SBNO2: variants seen among roughly 807,000 people sequenced by gnomAD.
The protein encoded by SBNO2 is protein strawberry notch homolog 2.
Under a neutral mutation model 146.3 loss-of-function variants are expected in SBNO2, and 89 were observed. The observed-to-expected ratio is 0.61, with a 90% CI of 0.51 to 0.73. SBNO2 has a LOEUF of 0.73. Ranked by LOEUF, SBNO2 falls within the 30% of genes least tolerant of loss-of-function variation. The pLI is 0.00. For synonymous variants in SBNO2, 1,147 were observed against 892.6 expected (o/e 1.29, Z -5.08); for missense variants, 2,092 against 2,003.7 (o/e 1.04, Z -0.84).
chr19:1,140,326 A>T lies in SBNO2; in HGVS notation c.279+6983T>A, dbSNP rs905837669. Among the ~76,000 whole-genome samples the T allele has an allele frequency of 6.6e-6, 1 of 151,464 alleles. No individual in the cohort carries two copies. Among genetic ancestry groups the T allele is most frequent in the Non-Finnish European group, 1.5e-5 (1 of 67,864 alleles). ...AAAAAAAAAAAAAAGCAGCAGCAACACAGAGCCACGTGTCCACAGAACCAC... is the reference window on the plus strand; with the variant it reads ...AAAAAAAAAAAAAAGCAGCAGCAACTCAGAGCCACGTGTCCACAGAACCAC... On this transcript the variant is annotated intron_variant, in intron 4 of 31. Coordinates refer to ENST00000361757, the MANE Select transcript of SBNO2 (RefSeq NM_014963.3). This position sits in a 1 kb window ranked among gnomAD's most constrained non-coding sequence, Gnocchi z 4.4.
chr19:1,131,258 C>G (rs1427067236), intron 4 of SBNO2, among the ~76,000 whole-genome samples: 1 of 152,200 alleles, frequency 6.6e-6, no homozygotes, highest in East Asian at 1.9e-4. Flanking sequence ...AACCGGGCCC[C>G]TCTGCAGTCT....
chr19:1,117,149 G>C (rs181839881), intron 15 of SBNO2, among the ~76,000 whole-genome samples, 174 bp downstream of exon 15: 23 of 152,324 alleles, frequency 1.5e-4, no homozygotes, highest in African/African-American at 5.3e-4. Flanking sequence ...ACACTCCGCT[G>C]TTCTGACACC....
Position 1,140,825 on chromosome 19 carries a change from T to C in SBNO2, c.279+6484A>G, listed in dbSNP as rs954210099. Among the ~76,000 whole-genome samples the C allele has an allele frequency of 2.0e-5, 3 of 151,876 alleles. No individual in the cohort carries two copies. The highest frequency in any genetic ancestry group is 7.3e-5 in the African/African-American group (3 of 41,324). ...CAGGCTGAGAGAAACAGGAAATGGA[T>C]GGTGAAGGAACCCCGTCCCCGCCAA... is the stretch of plus-strand genomic sequence containing the variant. On this transcript the variant is annotated intron_variant, in intron 4 of 31. Transcript: ENST00000361757. This position sits in a 1 kb window ranked among gnomAD's most constrained non-coding sequence, Gnocchi z 4.4.
intron 3 of SBNO2, 97 bp downstream of exon 3, chr19:1,149,272 T>C (rs1157358591): frequency 1.7e-6 from 2 of 1,157,304 alleles, no homozygotes; most frequent in Non-Finnish European, 1.3e-6. Flanking sequence ...TCAACAAGAC[T>C]TTGGGCCCTC....
At chr19:1,117,704 G>A (rs1357975094) in intron 14 of SBNO2, among the ~76,000 whole-genome samples, 1 of 152,256 alleles carries the variant, frequency 6.6e-6, no homozygotes, top group African/African-American at 2.4e-5. Context: ...CACTCGTGGT[G>A]GGGAAGCCGT....
At chr19:1,135,062 A>G (rs2080073392) in intron 4 of SBNO2, among the ~76,000 whole-genome samples, 1 of 138,736 alleles carries the variant, frequency 7.2e-6, no homozygotes, top group South Asian at 2.4e-4. Context: ...AAAAAAAAAA[A>G]AAAAAAAGGT....
chr19:1,117,505 A>G lies in SBNO2; in HGVS notation c.1528-6T>C. ...ACGTTCAGGGCCTCGGCCCACTGCA[A>G]TGACACGTCACAAGGCGCCCCTGAG... On this transcript the variant is annotated splice_region_variant and splice_polypyrimidine_tract_variant and intron_variant, in intron 14 of 31. Coordinates refer to ENST00000361757, the MANE Select transcript of SBNO2 (RefSeq NM_014963.3). 6.4e-7 allele frequency: 1 copy of G among 1,571,348 alleles called. No homozygotes were observed. Among genetic ancestry groups the G allele is most frequent in the Non-Finnish European group, 8.6e-7 (1 of 1,160,224 alleles).
At chr19:1,170,688 C>T (rs1449117769) in intron 1 of SBNO2, among the ~76,000 whole-genome samples, 2 of 152,052 alleles carry the variant, frequency 1.3e-5, no homozygotes, top group South Asian at 2.1e-4. Context: ...CACACGTGCA[C>T]AAGACATGCA....
rs1050718884 is a variant in SBNO2, at chr19:1,149,388, C to T, written c.148G>A (p.Ala50Thr). Residue 50 changes from alanine to threonine, a missense_variant, in exon 3 of 32, where the codon GCC becomes ACC. By Grantham distance (58) the Ala-to-Thr change is moderately conservative (BLOSUM62 0). Coordinates refer to ENST00000361757, the MANE Select transcript of SBNO2 (RefSeq NM_014963.3). ...WNTFSLPPYP[A>T]FSSDSRPFMS... ...ACTCACCGGCTGTCGCTGGAGAAGGCAGGGTATGGCGGCAGCGAGAAGGTG... is the reference window on the plus strand; with the variant it reads ...ACTCACCGGCTGTCGCTGGAGAAGGTAGGGTATGGCGGCAGCGAGAAGGTG... 5 of 1,552,922 alleles carry T rather than the reference C, an allele frequency of 3.2e-6. No homozygotes were observed. Among genetic ancestry groups the T allele is most frequent in the Non-Finnish European group, 4.4e-6 (5 of 1,148,544 alleles).
In SBNO2 at chr19:1,112,107, T is replaced by G; in HGVS notation, c.2629-40A>C. 6.2e-7 allele frequency: 1 copy of G among 1,610,026 alleles called. No homozygotes were observed. Among genetic ancestry groups the G allele is most frequent in the Non-Finnish European group, 8.5e-7 (1 of 1,178,526 alleles). On this transcript the variant is annotated intron_variant, in intron 22 of 31. Coordinates refer to ENST00000361757, the MANE Select transcript of SBNO2 (RefSeq NM_014963.3). The surrounding 1 kb of genome is among the most constrained non-coding windows in gnomAD (Gnocchi z 5.9). ...GAGGCCATCAGTTGGTCACCTGGGGTCTGGCCTCTAGCACCCCACAAAGCT... is the reference window on the plus strand; with the variant it reads ...GAGGCCATCAGTTGGTCACCTGGGGGCTGGCCTCTAGCACCCCACAAAGCT...
In SBNO2 at chr19:1,119,617, G is replaced by A. The variant is rs1038666571; in HGVS notation, c.1272C>T (p.Ala424=). The change falls in exon 13 of 32, where the codon GCC becomes GCT. Residue 424 remains alanine (A), a synonymous_variant. Coordinates refer to ENST00000361757, the MANE Select transcript of SBNO2 (RefSeq NM_014963.3). ...TGTAGATCATGTTCCGAGGCTCAGA[G>A]GCACCTGTGGGGGGAAGCTGCCGTC... ...ARVVYASATG[A]SEPRNMIYMS... is the part of the protein sequence containing the mutation. The A allele has an allele frequency of 6.2e-7, 1 of 1,605,758 alleles. No homozygotes were observed. The highest frequency in any genetic ancestry group is 8.5e-7 in the Non-Finnish European group (1 of 1,176,444).
At chr19:1,156,551 C>A (rs1450832452) in intron 1 of SBNO2, among the ~76,000 whole-genome samples, 1 of 152,124 alleles carries the variant, frequency 6.6e-6, no homozygotes, top group Non-Finnish European at 1.5e-5. Context: ...CGTGGCCATG[C>A]ACGTCCACAG....
intron 1 of SBNO2, among the ~76,000 whole-genome samples, chr19:1,165,035 G>A (rs912988228): frequency 2.0e-5 from 3 of 151,894 alleles, no homozygotes; most frequent in Admixed American, 6.6e-5. Context: ...GTGCCCGGAG[G>A]AGGTCAAGAC....
chr19:1,174,206 G>C lies in SBNO2; in HGVS notation c.-161C>G, dbSNP rs898735584. 1.3e-5 allele frequency: 2 copies of C among 151,904 alleles called. No homozygotes were observed. The highest frequency in any genetic ancestry group is 2.4e-5 in the African/African-American group (1 of 41,368). 9.4% of individuals were successfully genotyped at this position (151,904 alleles called of 1,614,324 possible). On this transcript the variant is annotated 5_prime_UTR_variant, in exon 1 of 32. Transcript: ENST00000361757. ...GGGTCCGGCCGGGCGCGGAGCCCGC[G>C]GCGCCTGTTTCTCCGAGCCTCGCAG... is the stretch of plus-strand genomic sequence containing the variant.
intron 18 of SBNO2, 47 bp from the exon 19 acceptor site, chr19:1,113,751 T>C (rs1287255285): frequency 7.0e-7 from 1 of 1,424,022 alleles, no homozygotes; most frequent in Non-Finnish European, 9.2e-7. Flanking sequence ...GGCTGCCTTC[T>C]AGGGCCCACC....
At chr19:1,120,120 G>C in intron 11 of SBNO2, 97 bp from the exon 12 acceptor site, 2 of 928,678 alleles carry the variant, frequency 2.2e-6, no homozygotes, top group Non-Finnish European at 3.3e-6. Context: ...CTGGTGGGGG[G>C]CAAACGCCTG....
At chr19:1,166,849 C>T (rs1364774033) in intron 1 of SBNO2, among the ~76,000 whole-genome samples, 1 of 152,194 alleles carries the variant, frequency 6.6e-6, no homozygotes, top group East Asian at 1.9e-4. Context: ...CCCACACCTG[C>T]TACTGTCACT....
At chr19:1,128,951 A>G (rs1396180222) in intron 4 of SBNO2, among the ~76,000 whole-genome samples, 6 of 135,340 alleles carry the variant, frequency 4.4e-5, no homozygotes, top group Non-Finnish European at 8.1e-5. Flanking sequence ...CCTGGGTGAC[A>G]GAGCAAGACT....
chr19:1,117,219 C>G, intron 15 of SBNO2, 104 bp downstream of exon 15: 1 of 1,214,898 alleles, frequency 8.2e-7, no homozygotes, highest in South Asian at 1.5e-5. Context: ...AGGGTGCAGC[C>G]CCCGCCCACG....
Sources: gnomAD v4.1 joint callset for allele counts (sites outside exome capture counted in the v4.1 genomes callset) on GRCh38, gnomAD v4.1.1 for gene constraint, Gnocchi (gnomAD v3.1) non-coding constraint, MANE v1.5 for transcripts, NCBI Gene and HGNC (gene_info 2026-07-23, HGNC 2026-07-21) for gene names.